The following BTN3A3 variants were observed in gnomAD, a reference collection of about 807,000 sequenced individuals.
The protein encoded by BTN3A3 is butyrophilin subfamily 3 member A3.
A neutral mutation model predicts 43.2 loss-of-function variants in BTN3A3; 39 were observed. The observed-to-expected ratio is 0.90, with a 90% CI of 0.70 to 1.18. The LOEUF is 1.18. Among genes scored for constraint, BTN3A3 ranks in the 50% most tolerant of loss-of-function variants. The pLI, the probability that BTN3A3 is intolerant of heterozygous loss-of-function variation, is 0.00. For missense variants in BTN3A3, 631 were observed against 722.8 expected (o/e 0.87, Z 1.46); for synonymous variants, 255 against 272.7 (o/e 0.93, Z 0.64).
At chr6:26,447,204 G>A (rs1004373011) in intron 5 of BTN3A3, among the ~76,000 whole-genome samples, 1 of 152,206 alleles carries the variant, frequency 6.6e-6, no homozygotes, top group Non-Finnish European at 1.5e-5. Flanking sequence ...ACAGAAGAGT[G>A]AGATGCAGAG....
rs757975899 is a variant in BTN3A3 at position 26,448,725 on chromosome 6, C to T, written c.938-3C>T. The T allele has an allele frequency of 6.2e-7, 1 of 1,613,864 alleles. No individual in the cohort carries two copies. Among genetic ancestry groups the T allele is most frequent in the African/African-American group, 1.3e-5 (1 of 74,850 alleles). On this transcript the variant is annotated splice_polypyrimidine_tract_variant and splice_region_variant and intron_variant, in intron 7 of 10. Transcript: ENST00000244519. ...TAACCCTTCCCTATTCATTCCATTG[C>T]AGAGTGGAGGAAAATCCAGTACATG... is the stretch of plus-strand genomic sequence containing the variant.
intron 4 of BTN3A3, chr6:26,445,077 T>C (rs890328145): frequency 6.3e-6 from 1 of 159,812 alleles, no homozygotes; most frequent in Non-Finnish European, 1.4e-5. Context: ...GTTTGTACAA[T>C]GTTCATGTTT....
At chr6:26,448,511 C>A (rs1762842630) in intron 6 of BTN3A3, 63 bp downstream of exon 6, 1 of 1,608,022 alleles carries the variant, frequency 6.2e-7, no homozygotes, top group African/African-American at 1.3e-5. Context: ...AAGATCTCAC[C>A]CCCATTCCCA....
intron 9 of BTN3A3, 142 bp from the exon 10 acceptor site, chr6:26,449,965 T>G: frequency 9.9e-7 from 1 of 1,013,074 alleles, no homozygotes; most frequent in African/African-American, 1.6e-5. Flanking sequence ...ACCTCTGATC[T>G]ATCAGAGCTG....
rs190606593 is a variant in BTN3A3, at chr6:26,448,026, C to T, written c.716-222C>T. Among the ~76,000 whole-genome samples the T allele has an allele frequency of 1.6e-4, 24 of 152,240 alleles. No homozygotes were observed. In the East Asian group the frequency reaches 2.3e-3, roughly 15 times the overall value. Reference sequence around the variant, plus strand: ...GACTCTGCTGAAGTTAATTTCCATACGAGAGGCAGACCTCTCAAGATAGTA... The same window carrying T: ...GACTCTGCTGAAGTTAATTTCCATATGAGAGGCAGACCTCTCAAGATAGTA... On this transcript the variant is annotated intron_variant, in intron 5 of 10. Coordinates refer to ENST00000244519, the MANE Select transcript of BTN3A3 (RefSeq NM_006994.5).
At chr6:26,441,050 A>C (rs919465752) in intron 1 of BTN3A3, among the ~76,000 whole-genome samples, 2 of 152,224 alleles carry the variant, frequency 1.3e-5, no homozygotes, top group African/African-American at 4.8e-5. Context: ...GAGATTCTAG[A>C]AAGAGATGTG....
chr6:26,451,082 A>T (rs1762917785), intron 10 of BTN3A3, among the ~76,000 whole-genome samples: 1 of 152,162 alleles, frequency 6.6e-6, no homozygotes, highest in Non-Finnish European at 1.5e-5. Flanking sequence ...TGGAGAGTGA[A>T]TCTGGGGCCC....
intron 9 of BTN3A3, 79 bp from the exon 10 acceptor site, chr6:26,450,028 C>T (rs1762886508): frequency 2.7e-6 from 4 of 1,461,752 alleles, no homozygotes; most frequent in South Asian, 2.3e-5. Context: ...GGAGAGAAAA[C>T]GTGTAGTGAA....
rs201850379 is a variant in BTN3A3, at chr6:26,448,444, A to G, written c.912A>G (p.Leu304=). Residue 304 remains leucine, a synonymous_variant, in exon 6 of 11, where the codon CTA becomes CTG. Coordinates refer to ENST00000244519, the MANE Select transcript of BTN3A3 (RefSeq NM_006994.5). ...GYAATEQEIS[L]REKLQEELKW... ...CTGCAACAGAGCAAGAAATAAGCCT[A>G]AGAGGTATCCAACGCAAGCAGAGAA... is the stretch of plus-strand genomic sequence containing the variant. 5 of 1,613,098 alleles carry G rather than the reference A, an allele frequency of 3.1e-6. No individual in the cohort carries two copies. Among genetic ancestry groups the G allele is most frequent in the Non-Finnish European group, 4.2e-6 (5 of 1,179,534 alleles).
intron 10 of BTN3A3, 117 bp downstream of exon 10, chr6:26,450,250 G>A (rs1189013159): frequency 1.9e-5 from 24 of 1,276,010 alleles, no homozygotes; most frequent in Non-Finnish European, 2.7e-5. Flanking sequence ...AAAGTTTGGG[G>A]TAGACAACAT....
In BTN3A3 at chr6:26,448,413, G is replaced by A; in HGVS notation, c.881G>A (p.Gly294Glu). 6.2e-7 allele frequency: 1 copy of A among 1,613,834 alleles called. No homozygotes were observed. Among genetic ancestry groups the A allele is most frequent in the South Asian group, 1.1e-5 (1 of 91,070 alleles). The change falls in exon 6 of 11, where the codon GGA becomes GAA. Residue 294 changes from glycine to glutamate, a missense_variant. Coordinates refer to ENST00000244519, the MANE Select transcript of BTN3A3 (RefSeq NM_006994.5). ...AGAGAGCGAGAGATGAAAGAAATGG[G>A]ATACGCTGCAACAGAGCAAGAAATA... is the stretch of plus-strand genomic sequence containing the variant. ...TEREREMKEMGYAATEQEISL... is the reference protein window; with the variant it reads ...TEREREMKEMEYAATEQEISL...
At position 26,445,688 on chromosome 6, in the gene BTN3A3, A is replaced by G; in HGVS notation, c.434-16A>G. 6.2e-7 allele frequency: 1 copy of G among 1,608,316 alleles called. No individual in the cohort carries two copies. Among genetic ancestry groups the G allele is most frequent in the Non-Finnish European group, 8.5e-7 (1 of 1,175,348 alleles). On this transcript the variant is annotated splice_polypyrimidine_tract_variant and intron_variant, in intron 4 of 10. Transcript: ENST00000244519. ...CAGGAGCTCTCAAGAATTTAGGGCA[A>G]TTTATCCTTCTACAGCATTGGGTTC...
At chr6:26,450,001 A>C in intron 9 of BTN3A3, 106 bp from the exon 10 acceptor site, 3 of 1,314,968 alleles carry the variant, frequency 2.3e-6, no homozygotes, top group Non-Finnish European at 3.3e-6. Context: ...GAAGCCTGGA[A>C]GAGACTCTGA....
Position 26,452,263 on chromosome 6 carries a change from T to C in BTN3A3, c.1607T>C (p.Leu536Pro). 2 of 1,614,146 alleles carry C rather than the reference T, an allele frequency of 1.2e-6. No individual in the cohort carries two copies. Among genetic ancestry groups the C allele is most frequent in the Non-Finnish European group, 1.7e-6 (2 of 1,180,024 alleles). ...CCTGATCATTCCCTGGAGACACCACTGACCCCGGGCTTAGCTAATGAAAGT... is the reference window on the plus strand; with the variant it reads ...CCTGATCATTCCCTGGAGACACCACCGACCCCGGGCTTAGCTAATGAAAGT... ...LVPDHSLETP[L>P]TPGLANESGE... Residue 536 changes from leucine to proline, a missense_variant, in exon 11 of 11, where the codon CTG becomes CCG. Leu to Pro is a moderately conservative substitution (Grantham distance 98). Coordinates refer to ENST00000244519, the MANE Select transcript of BTN3A3 (RefSeq NM_006994.5).
At chr6:26,451,116 G>A (rs1226764232) in intron 10 of BTN3A3, among the ~76,000 whole-genome samples, 3 of 152,232 alleles carry the variant, frequency 2.0e-5, no homozygotes, top group African/African-American at 4.8e-5. Context: ...GCATAGAGAC[G>A]GCCTTGCAGC....
chr6:26,446,062 T>C (rs1490136631), intron 5 of BTN3A3, 77 bp downstream of exon 5: 17 of 1,580,038 alleles, frequency 1.1e-5, no homozygotes, highest in Non-Finnish European at 1.4e-5. Context: ...GAGTCTCTAC[T>C]GTGTGAGTCT....
intron 4 of BTN3A3, 106 bp from the exon 5 acceptor site, chr6:26,445,598 T>C (rs576862057): frequency 2.2e-6 from 3 of 1,381,024 alleles, no homozygotes; most frequent in Middle Eastern, 1.9e-4. Context: ...AGCTCCTGAA[T>C]GAAATCTTCC....
rs543542435 is a variant in BTN3A3 at position 26,446,716 on chromosome 6, G to T, written c.715+731G>T. On this transcript the variant is annotated intron_variant, in intron 5 of 10. Transcript: ENST00000244519. Reference sequence around the variant, plus strand: ...TGATCCATGTAAAAGGTTTCTGGGGGTTTTTTTGTTTGTTTGTTTGTATGT... The same window carrying T: ...TGATCCATGTAAAAGGTTTCTGGGGTTTTTTTTGTTTGTTTGTTTGTATGT... Among the ~76,000 whole-genome samples, 60 of 152,120 alleles carry T rather than the reference G, an allele frequency of 3.9e-4. 1 individual carries two copies. The highest frequency in any genetic ancestry group is 6.5e-4 in the Non-Finnish European group (44 of 67,964).
chr6:26,446,998 G>A (rs1416061789), intron 5 of BTN3A3, among the ~76,000 whole-genome samples: 4 of 152,258 alleles, frequency 2.6e-5, no homozygotes, highest in South Asian at 4.1e-4. Context: ...CAAGGTGCTG[G>A]GATTACAAGT....
Sources: allele counts gnomAD v4.1 joint callset (sites outside exome capture counted in the v4.1 genomes callset), GRCh38; gene constraint gnomAD v4.1.1; transcripts MANE v1.5; gene names NCBI Gene and HGNC (gene_info 2026-07-23, HGNC 2026-07-21).